Variants in CTNND2 observed in about 807,000 individuals in gnomAD.
The protein encoded by CTNND2 is catenin delta 2.
CTNND2 carries 22 observed loss-of-function variants against 144.4 expected under a neutral mutation model. That is an observed-to-expected ratio of 0.15 (90% CI 0.11 to 0.22). CTNND2 has a LOEUF of 0.22. Among genes scored for constraint, CTNND2 ranks in the 10% least tolerant of loss-of-function variants. The pLI is 1.00. For missense variants in CTNND2, 1,353 were observed against 1,618.8 expected (o/e 0.84, Z 2.82); for synonymous variants, 751 against 695.6 (o/e 1.08, Z -1.25).
intron 9 of CTNND2, among the ~76,000 whole-genome samples, chr5:11,287,802 T>C (rs567588673): frequency 3.6e-4 from 55 of 152,320 alleles, no homozygotes; most frequent in African/African-American, 1.3e-3. Flanking sequence ...GAAGATAAGT[T>C]GATTTTCCTC....
At chr5:11,085,721 G>C (rs548022987) in intron 15 of CTNND2, among the ~76,000 whole-genome samples, 12 of 152,206 alleles carry the variant, frequency 7.9e-5, no homozygotes, top group Non-Finnish European at 1.5e-4. Context: ...CTCCATGCTG[G>C]GGAAAGAAAG....
At position 11,293,615 on chromosome 5, in the gene CTNND2, G is replaced by A. The variant is rs549262043; in HGVS notation, c.1628+52757C>T. ...AAAAATTACATTCTAAAAACATTTC[G>A]TTCACAGTTTATATTTATTCTTAAT... On this transcript the variant is annotated intron_variant, in intron 9 of 21. Coordinates refer to ENST00000304623, the MANE Select transcript of CTNND2 (RefSeq NM_001332.4). Among the ~76,000 whole-genome samples the A allele has an allele frequency of 1.5e-3, 233 of 151,474 alleles. 1 individual carries two copies. The highest frequency in any genetic ancestry group is 4.3e-3 in the African/African-American group (178 of 41,374).
At chr5:11,851,212 C>G (rs964422230) in intron 1 of CTNND2, among the ~76,000 whole-genome samples, 1 of 152,104 alleles carries the variant, frequency 6.6e-6, no homozygotes, top group Non-Finnish European at 1.5e-5. Context: ...GTCCCCATAG[C>G]TATATGAGCC....
intron 1 of CTNND2, among the ~76,000 whole-genome samples, chr5:11,739,694 G>C (rs1787887472): frequency 6.6e-6 from 1 of 152,142 alleles, no homozygotes; most frequent in Admixed American, 6.6e-5. Context: ...TCTGGCCCGG[G>C]CAATCAGGCA....
intron 16 of CTNND2, among the ~76,000 whole-genome samples, chr5:11,035,139 T>C (rs1743930329): frequency 6.6e-6 from 1 of 151,468 alleles, no homozygotes; most frequent in Admixed American, 6.6e-5. Context: ...TTTCTAATGC[T>C]GCTGTAACAA....
chr5:11,359,742 T>C (rs1248189141), intron 8 of CTNND2, among the ~76,000 whole-genome samples: 1 of 152,188 alleles, frequency 6.6e-6, no homozygotes, highest in East Asian at 1.9e-4. Flanking sequence ...CTGGGCCTAG[T>C]AGGGGACAAA....
intron 3 of CTNND2, among the ~76,000 whole-genome samples, chr5:11,543,121 A>C (rs1774904053): frequency 1.3e-5 from 2 of 152,176 alleles, no homozygotes; most frequent in Admixed American, 6.5e-5. Flanking sequence ...AAATCATCTC[A>C]TGCCTTTCAA....
chr5:11,569,101 G>A (rs938280137), intron 2 of CTNND2, among the ~76,000 whole-genome samples: 6 of 152,152 alleles, frequency 3.9e-5, no homozygotes, highest in African/African-American at 1.4e-4. Context: ...CTTCTCCTGG[G>A]TAATTCTGGT....
chr5:11,556,807 T>C (rs890376174), intron 3 of CTNND2, among the ~76,000 whole-genome samples: 2 of 152,188 alleles, frequency 1.3e-5, no homozygotes, highest in African/African-American at 4.8e-5. Flanking sequence ...CACTTCCTTA[T>C]GTGGAGCAAG....
chr5:11,645,892 TAAAC>T lies in CTNND2; in HGVS notation c.175-80840_175-80837del, dbSNP rs369354216. 2.3e-4 allele frequency among the ~76,000 whole-genome samples: 35 copies of T among 152,304 alleles called. No homozygotes were observed. In the South Asian group the frequency reaches 6.4e-3, roughly 28 times the overall value. ...GAAAATAATGTTCAACTTTTAAACA[TAAAC>T]AGTACATTATTTATCTAGCTTTATT... is the stretch of plus-strand genomic sequence containing the variant. On this transcript the variant is annotated intron_variant, in intron 2 of 21. Coordinates refer to ENST00000304623, the MANE Select transcript of CTNND2 (RefSeq NM_001332.4).
intron 3 of CTNND2, among the ~76,000 whole-genome samples, chr5:11,530,376 T>C (rs1773638198): frequency 6.6e-6 from 1 of 152,154 alleles, no homozygotes; most frequent in Admixed American, 6.5e-5. Context: ...GATCAAGTAT[T>C]CGTTACCCAG....
chr5:11,023,049 G>A, intron 16 of CTNND2, 70 bp from the exon 17 acceptor site: 4 of 1,397,496 alleles, frequency 2.9e-6, no homozygotes, highest in Admixed American at 3.5e-5. Context: ...GCAGAGGTGG[G>A]TATGGGGGAG....
chr5:11,055,322 C>G (rs1186724794), intron 16 of CTNND2, among the ~76,000 whole-genome samples: 6 of 152,228 alleles, frequency 3.9e-5, no homozygotes, highest in African/African-American at 1.4e-4. Flanking sequence ...GAGAATGCAG[C>G]TGCCATAAGT....
chr5:11,513,840 G>T (rs1438748008), intron 3 of CTNND2, among the ~76,000 whole-genome samples: 1 of 151,548 alleles, frequency 6.6e-6, no homozygotes, highest in South Asian at 2.1e-4. Context: ...TCTAATGAGA[G>T]AGAGAGATAA....
chr5:11,680,977 C>T (rs912975312), intron 2 of CTNND2, among the ~76,000 whole-genome samples: 9 of 152,114 alleles, frequency 5.9e-5, no homozygotes, highest in African/African-American at 1.9e-4. Flanking sequence ...GTCTGGGATA[C>T]AGGAGGGTGG....
intron 16 of CTNND2, among the ~76,000 whole-genome samples, chr5:11,041,165 T>C (rs1442321324): frequency 1.3e-5 from 2 of 152,240 alleles, no homozygotes; most frequent in Admixed American, 6.5e-5. Flanking sequence ...CTTTTCCAAA[T>C]TGATTTACAC....
chr5:11,353,608 G>A (rs1666025400), intron 8 of CTNND2, among the ~76,000 whole-genome samples: 1 of 152,110 alleles, frequency 6.6e-6, no homozygotes, highest in African/African-American at 2.4e-5. Flanking sequence ...TTCGAGACCA[G>A]CCTGGGCAAC....
At chr5:11,488,438 C>T (rs967163026) in intron 3 of CTNND2, among the ~76,000 whole-genome samples, 2 of 152,114 alleles carry the variant, frequency 1.3e-5, no homozygotes, top group Non-Finnish European at 2.9e-5. Context: ...AGATAAAGAA[C>T]ATGTTAACCA....
chr5:11,293,175 T>A (rs989097744), intron 9 of CTNND2, among the ~76,000 whole-genome samples: 1 of 152,172 alleles, frequency 6.6e-6, no homozygotes, highest in African/African-American at 2.4e-5. Context: ...TATTTATCAA[T>A]AGCAGAGCAA....
Sources: gnomAD v4.1 joint callset for allele counts (sites outside exome capture counted in the v4.1 genomes callset) on GRCh38, gnomAD v4.1.1 for gene constraint, MANE v1.5 for transcripts, NCBI Gene and HGNC (gene_info 2026-07-23, HGNC 2026-07-21) for gene names.